BMP2K: variants seen among roughly 807,000 people sequenced by gnomAD.
BMP2K encodes the protein BMP2 inducible kinase, also known as BMP-2-inducible protein kinase.
BMP2K carries 74 observed loss-of-function variants against 116.0 expected under a neutral mutation model. The ratio of observed to expected loss-of-function variants is 0.64; its 90% CI spans 0.53 to 0.77. The LOEUF (loss-of-function observed/expected upper bound fraction) is 0.77, where lower values mean the gene tolerates loss of function less well. Among genes scored for constraint, BMP2K ranks in the 30% least tolerant of loss-of-function variants. The pLI is 0.00. For synonymous variants in BMP2K, 486 were observed against 502.5 expected (o/e 0.97, Z 0.44); for missense variants, 1,365 against 1,403.6 (o/e 0.97, Z 0.44).
chr4:78,855,523 C>T (rs1731464168), intron 7 of BMP2K, among the ~76,000 whole-genome samples: 1 of 152,168 alleles, frequency 6.6e-6, no homozygotes, highest in Admixed American at 6.6e-5. Flanking sequence ...ATGGTAACTA[C>T]TTTAATTTTT....
chr4:78,886,814 A>T (rs1733118580), intron 14 of BMP2K, among the ~76,000 whole-genome samples: 1 of 152,106 alleles, frequency 6.6e-6, no homozygotes, highest in Admixed American at 6.6e-5. Context: ...ATTTTTTCTA[A>T]ATTTATTTTT....
chr4:78,895,499 A>T (rs1733654901), intron 15 of BMP2K, among the ~76,000 whole-genome samples: 1 of 152,182 alleles, frequency 6.6e-6, no homozygotes, highest in Non-Finnish European at 1.5e-5. Flanking sequence ...AATACTTGAC[A>T]TTGAGGATTC....
intron 7 of BMP2K, among the ~76,000 whole-genome samples, chr4:78,855,253 T>A (rs1200526484): frequency 6.6e-6 from 1 of 152,172 alleles, no homozygotes; most frequent in Non-Finnish European, 1.5e-5. Flanking sequence ...GAAATAATGT[T>A]GATGCATGAA....
In BMP2K at chr4:78,912,092, T is replaced by C. The variant is rs1734664200; in HGVS notation, c.*59T>C. ...TTTCAAAAAAGTGTGAACAGTTTTA[T>C]GAATTTGAAAGAAAATTTGGTAGCT... On this transcript the variant is annotated 3_prime_UTR_variant, in exon 16 of 16. Transcript: ENST00000502613. 2.7e-6 allele frequency: 4 copies of C among 1,477,986 alleles called. No individual in the cohort carries two copies. The highest frequency in any genetic ancestry group is 2.7e-6 in the Non-Finnish European group (3 of 1,093,124). 91.6% of individuals were successfully genotyped at this position (1,477,986 alleles called of 1,614,324 possible). A position where few individuals can be genotyped will look rare whatever the true frequency, so the allele number is the denominator to read the frequency against.
intron 14 of BMP2K, chr4:78,879,166 A>C: frequency 8.9e-7 from 1 of 1,121,714 alleles, no homozygotes; most frequent in Non-Finnish European, 1.1e-6. Context: ...TAAATTCAGA[A>C]TATCTCTAAA....
chr4:78,875,843 G>A (rs530500742), intron 13 of BMP2K, among the ~76,000 whole-genome samples: 1 of 152,292 alleles, frequency 6.6e-6, no homozygotes, highest in Admixed American at 6.5e-5. Flanking sequence ...TTTGAACAAG[G>A]AATTATTGAT....
intron 1 of BMP2K, among the ~76,000 whole-genome samples, chr4:78,805,908 T>C (rs999873923): frequency 6.6e-6 from 1 of 152,050 alleles, no homozygotes; most frequent in African/African-American, 2.4e-5. Context: ...GAGGCGGAGG[T>C]TGCGGTGAGC....
Position 78,851,052 on chromosome 4 carries a change from A to C in BMP2K, c.879A>C (p.Leu293Phe), listed in dbSNP as rs775795262. Residue 293 changes from leucine (L) to phenylalanine (F), a missense_variant, in exon 7 of 16, where the codon TTA (leucine) becomes TTC (phenylalanine). Around this residue, in one of 3 missense-constraint regions of BMP2K, gnomAD observed 762 missense variants for 756.7 expected, o/e 1.01. Coordinates refer to ENST00000502613, the MANE Select transcript of BMP2K (RefSeq NM_198892.2). ...NSRYSRNIHC[L>F]IRFMLEPDPE... ...GTTACTCCCGTAACATACATTGCTT[A>C]ATAAGTAAGTATTTGGGAAAATGTA... 1.6e-5 allele frequency: 25 copies of C among 1,608,192 alleles called. No individual in the cohort carries two copies. The highest frequency in any genetic ancestry group is 1.7e-5 in the Non-Finnish European group (20 of 1,176,952).
intron 15 of BMP2K, among the ~76,000 whole-genome samples, chr4:78,903,789 G>A (rs17003489): frequency 0.14 from 21,469 of 151,838 alleles, 2,873 homozygotes; most frequent in African/African-American, 0.35. Context: ...TGGTTTTTTA[G>A]TGATGATACA....
At chr4:78,852,807 A>G (rs890487390) in intron 7 of BMP2K, among the ~76,000 whole-genome samples, 7 of 152,002 alleles carry the variant, frequency 4.6e-5, no homozygotes, top group African/African-American at 1.7e-4. Context: ...GTTTTGCTGT[A>G]TGCCCAGGCT....
intron 15 of BMP2K, among the ~76,000 whole-genome samples, chr4:78,908,565 T>C (rs1274069719): frequency 6.6e-6 from 1 of 152,208 alleles, no homozygotes; most frequent in East Asian, 1.9e-4. Context: ...TCTCTCTGCA[T>C]ACCAACTGCA....
chr4:78,791,923 T>C (rs1728022044), intron 1 of BMP2K, among the ~76,000 whole-genome samples: 1 of 152,252 alleles, frequency 6.6e-6, no homozygotes, highest in Admixed American at 6.5e-5. Flanking sequence ...TATGTATATG[T>C]TTGAGTCCCT....
In BMP2K at chr4:78,915,670, GTTAATGTGAATT is replaced by G. The variant is rs1734988768; in HGVS notation, c.*3640_*3651del. 2 of 151,842 alleles carry G rather than the reference GTTAATGTGAATT, an allele frequency of 1.3e-5. No individual in the cohort carries two copies. The highest frequency in any genetic ancestry group is 2.9e-5 in the Non-Finnish European group (2 of 67,886). The allele number at this position is 151,842 out of a possible 1,614,324, so 9.4% of individuals were successfully genotyped here. On this transcript the variant is annotated 3_prime_UTR_variant, in exon 16 of 16. Transcript: ENST00000502613. Reference sequence around the variant, plus strand: ...GCATGTCACATCTCTCTACTGTGGAGTTAATGTGAATTTTTAAAAAATGGAATTGCAACCACA... The same window carrying G: ...GCATGTCACATCTCTCTACTGTGGAGTTTAAAAAATGGAATTGCAACCACA...
intron 15 of BMP2K, among the ~76,000 whole-genome samples, chr4:78,905,893 C>T (rs1241088295): frequency 6.6e-6 from 1 of 151,948 alleles, no homozygotes; most frequent in Non-Finnish European, 1.5e-5. Context: ...CTAGAGGTCA[C>T]ATTCTAAAGT....
Position 78,912,173 on chromosome 4 carries a change from A to C in BMP2K, c.*140A>C. On this transcript the variant is annotated 3_prime_UTR_variant, in exon 16 of 16. Transcript: ENST00000502613. The stretch of plus-strand genomic sequence containing the variant: ...AGAATAGGTGATTTCTAAATAAACC[A>C]AATAGAAGAATGAAGTATCTCTACA... 1.3e-6 allele frequency: 1 copy of C among 774,246 alleles called. No homozygotes were observed. The allele number at this position is 774,246 out of a possible 1,614,324, so 48.0% of individuals were successfully genotyped here.
chr4:78,892,675 A>G (rs1266193995), intron 15 of BMP2K, among the ~76,000 whole-genome samples: 1 of 152,200 alleles, frequency 6.6e-6, no homozygotes, highest in Non-Finnish European at 1.5e-5. Context: ...CCAGACCACT[A>G]CAAAAAGTGA....
intron 1 of BMP2K, among the ~76,000 whole-genome samples, chr4:78,794,544 T>G (rs2109940643): frequency 6.6e-6 from 1 of 152,320 alleles, no homozygotes; most frequent in African/African-American, 2.4e-5. Flanking sequence ...TTTGAAAAGA[T>G]TAAGCATGTG....
chr4:78,865,919 A>G, intron 10 of BMP2K, 199 bp downstream of exon 10: 1 of 576,884 alleles, frequency 1.7e-6, no homozygotes, highest in Non-Finnish European at 3.0e-6. Context: ...AGTTACTGGC[A>G]ATATAAAAGT....
At chr4:78,826,999 C>G (rs1419477654) in intron 2 of BMP2K, among the ~76,000 whole-genome samples, 1 of 152,158 alleles carries the variant, frequency 6.6e-6, no homozygotes, top group Non-Finnish European at 1.5e-5. Context: ...GTGAATGTTG[C>G]AAGAAAGCAA....
Sources: allele counts gnomAD v4.1 joint callset (sites outside exome capture counted in the v4.1 genomes callset), GRCh38; gene constraint gnomAD v4.1.1; regional missense constraint gnomAD v4.1.1; transcripts MANE v1.5; gene names NCBI Gene and HGNC (gene_info 2026-07-23, HGNC 2026-07-21).